Variants in AGBL1 observed in about 807,000 individuals in gnomAD.
AGBL1 encodes the protein cytosolic carboxypeptidase 4.
In AGBL1, 130 loss-of-function variants were observed where a neutral mutation model predicts 118.9. The ratio of observed to expected loss-of-function variants is 1.09; its 90% confidence interval spans 0.95 to 1.26. The LOEUF is 1.26. Among genes scored for constraint, AGBL1 ranks in the 50% most tolerant of loss-of-function variants. The probability of loss-of-function intolerance (pLI) is 0.00; values close to 1 mark genes in which losing one functional copy is unlikely to be tolerated. For missense variants in AGBL1, 1,584 were observed against 1,298.1 expected (o/e 1.22, Z -3.38); for synonymous variants, 555 against 478.9 (o/e 1.16, Z -2.08).
intron 22 of AGBL1, among the ~76,000 whole-genome samples, chr15:86,727,239 C>A (rs143356802): frequency 1.3e-5 from 2 of 152,150 alleles, no homozygotes; most frequent in East Asian, 3.9e-4. Flanking sequence ...TACTCAGGGA[C>A]CTTCCACACC....
intron 22 of AGBL1, among the ~76,000 whole-genome samples, chr15:86,730,520 C>T (rs930423882): frequency 1.3e-5 from 2 of 151,862 alleles, no homozygotes; most frequent in Non-Finnish European, 2.9e-5. Flanking sequence ...TTTTTTCTTT[C>T]TTCCATCATC....
chr15:87,016,963 A>C (rs2081613213), intron 24 of AGBL1, among the ~76,000 whole-genome samples: 2 of 152,164 alleles, frequency 1.3e-5, no homozygotes, highest in Non-Finnish European at 2.9e-5. Context: ...CTGTGGCCCC[A>C]GGATTTCTGA....
intron 22 of AGBL1, among the ~76,000 whole-genome samples, chr15:86,882,844 A>G (rs2079915693): frequency 1.3e-5 from 2 of 152,218 alleles, no homozygotes; most frequent in African/African-American, 2.4e-5. Context: ...AACCTAATGG[A>G]AATCTTTTCT....
At chr15:86,877,527 G>T (rs1372623096) in intron 22 of AGBL1, among the ~76,000 whole-genome samples, 1 of 152,146 alleles carries the variant, frequency 6.6e-6, no homozygotes, top group African/African-American at 2.4e-5. Context: ...TCTCCTTCCT[G>T]TTACCGCTGG....
chr15:86,666,665 G>T (rs994424865), intron 21 of AGBL1, among the ~76,000 whole-genome samples: 1 of 152,084 alleles, frequency 6.6e-6, no homozygotes, highest in Non-Finnish European at 1.5e-5. Flanking sequence ...AGCATTTGCT[G>T]CTGTTATTGA....
chr15:86,802,155 C>G (rs1251284546), intron 22 of AGBL1, among the ~76,000 whole-genome samples: 3 of 152,086 alleles, frequency 2.0e-5, no homozygotes, highest in Admixed American at 2.0e-4. Flanking sequence ...TATACAGAAA[C>G]AGTGGGCAGC....
At chr15:86,111,988 T>C (rs1244154106) in intron 1 of AGBL1, among the ~76,000 whole-genome samples, 1 of 152,186 alleles carries the variant, frequency 6.6e-6, no homozygotes, top group Non-Finnish European at 1.5e-5. Flanking sequence ...TGCTCTCTCC[T>C]TATGAGAATC....
intron 22 of AGBL1, among the ~76,000 whole-genome samples, chr15:86,854,499 C>G (rs528099037): frequency 6.6e-6 from 1 of 152,218 alleles, no homozygotes; most frequent in Admixed American, 6.5e-5. Flanking sequence ...GGAGTCAAGC[C>G]AAAGGATTAT....
At chr15:86,635,325 CCTCCTCCTCCTCCTA>C (rs1181838903) in intron 21 of AGBL1, among the ~76,000 whole-genome samples, 10 of 102,826 alleles carry the variant, frequency 9.7e-5, no homozygotes, top group African/African-American at 2.2e-4. Context: ...TCCTCCTCCT[CCTCCTCCTCCTCCTA>C]CTCCTCTTAC....
intron 18 of AGBL1, among the ~76,000 whole-genome samples, chr15:86,441,596 A>G (rs1038515197): frequency 1.3e-5 from 2 of 152,240 alleles, no homozygotes; most frequent in African/African-American, 4.8e-5. Flanking sequence ...AGGCCTTACC[A>G]TTATTCCTAA....
intron 7 of AGBL1, among the ~76,000 whole-genome samples, chr15:86,252,365 A>T (rs577191764): frequency 1.4e-4 from 21 of 152,310 alleles, no homozygotes; most frequent in African/African-American, 4.8e-4. Flanking sequence ...AGAACTGGAT[A>T]CCCTAAAGGT....
chr15:86,334,638 C>T (rs981980989), intron 17 of AGBL1, among the ~76,000 whole-genome samples: 1 of 137,974 alleles, frequency 7.2e-6, no homozygotes, highest in African/African-American at 2.5e-5. Flanking sequence ...TGTCACTTTT[C>T]ACATAACTAG....
intron 18 of AGBL1, among the ~76,000 whole-genome samples, chr15:86,468,538 G>A (rs1400806385): frequency 1.3e-5 from 2 of 152,156 alleles, no homozygotes; most frequent in African/African-American, 4.8e-5. Flanking sequence ...GACAGACATT[G>A]CCGTTCCTCT....
chr15:86,862,485 C>G (rs1302197035), intron 22 of AGBL1, among the ~76,000 whole-genome samples: 1 of 152,102 alleles, frequency 6.6e-6, no homozygotes, highest in African/African-American at 2.4e-5. Context: ...TTTGGGAGGC[C>G]GAGGCGGGCG....
intron 22 of AGBL1, among the ~76,000 whole-genome samples, chr15:86,764,042 T>C (rs1333458683): frequency 2.0e-5 from 3 of 151,810 alleles, no homozygotes; most frequent in Non-Finnish European, 2.9e-5. Context: ...GACAGACAGG[T>C]TGGGTAGAAG....
At chr15:87,028,706 C>T in intron 24 of AGBL1, 4 of 821,458 alleles carry the variant, frequency 4.9e-6, no homozygotes, top group Non-Finnish European at 8.0e-6. Flanking sequence ...GTTTATAATC[C>T]ATAGATGAGG....
chr15:86,639,100 G>A (rs2085151101), intron 21 of AGBL1, among the ~76,000 whole-genome samples: 1 of 152,188 alleles, frequency 6.6e-6, no homozygotes, highest in Admixed American at 6.5e-5. Flanking sequence ...CAAGGTGGAA[G>A]TCAGTCTTCT....
intron 18 of AGBL1, among the ~76,000 whole-genome samples, chr15:86,443,972 T>C (rs747269083): frequency 2.0e-5 from 3 of 152,194 alleles, no homozygotes; most frequent in Non-Finnish European, 4.4e-5. Flanking sequence ...AAATACTTTG[T>C]AGTAGGATTG....
chr15:86,624,230 C>T (rs2084851583), intron 21 of AGBL1, among the ~76,000 whole-genome samples: 1 of 152,256 alleles, frequency 6.6e-6, no homozygotes, highest in African/African-American at 2.4e-5. Context: ...TATTCTAGTT[C>T]TCATTATTGG....
Sources: gnomAD v4.1 joint callset for allele counts (sites outside exome capture counted in the v4.1 genomes callset) on GRCh38, gnomAD v4.1.1 for gene constraint, MANE v1.5 for transcripts, NCBI Gene and HGNC (gene_info 2026-07-23, HGNC 2026-07-21) for gene names.